TSNARE1: variants seen among roughly 807,000 people sequenced by gnomAD.
TSNARE1 encodes t-SNARE domain containing 1, also known as t-SNARE domain-containing protein 1.
Under a neutral mutation model 62.0 loss-of-function variants are expected in TSNARE1, and 49 were observed. The observed-to-expected ratio is 0.79, with a 90% CI of 0.63 to 1.00. The LOEUF (loss-of-function observed/expected upper bound fraction) is 1.00. Ranked by LOEUF, TSNARE1 falls within the 50% of genes least tolerant of loss-of-function variation. TSNARE1 has a pLI of 0.00. For missense variants in TSNARE1, 755 were observed against 700.1 expected, an observed-to-expected ratio of 1.08 and a Z score of -0.88; for synonymous variants, 328 against 294.4, an observed-to-expected ratio of 1.11 and a Z score of -1.17.
rs141639066 is a variant in TSNARE1 at position 142,217,361 on chromosome 8, A to AG, written c.*12-5049_*12-5048insC. On this transcript the variant is annotated intron_variant, in intron 13 of 13. Coordinates refer to ENST00000524325, the MANE Select transcript of TSNARE1 (RefSeq NM_145003.5). ...AAAGAAAGAAAGAAAGAAAGAAAGA[A>AG]AGAAAGAAAGAAAAAAGGGAAAGAA... 7.4e-4 allele frequency among the ~76,000 whole-genome samples: 100 copies of AG among 135,398 alleles called. 2 individuals are homozygous for AG. Among genetic ancestry groups the AG allele is most frequent in the African/African-American group, 2.2e-3 (82 of 36,494 alleles). The allele number at this position is 135,398 out of a possible 152,430, so 88.8% of individuals were successfully genotyped here. A position where few individuals can be genotyped will look rare whatever the true frequency, so the allele number is the denominator to read the frequency against.
chr8:142,298,222 G>A lies in TSNARE1; in HGVS notation c.1290+2264C>T, dbSNP rs555957265. On this transcript the variant is annotated intron_variant, in intron 10 of 13. Coordinates refer to ENST00000524325, the MANE Select transcript of TSNARE1 (RefSeq NM_145003.5). Reference sequence around the variant, plus strand: ...AGGCCTCTCCATCTCTGAGCTGGACGACTGCAGTGGCCTCCACGTGGGGCG... The same window carrying A: ...AGGCCTCTCCATCTCTGAGCTGGACAACTGCAGTGGCCTCCACGTGGGGCG... 5.9e-5 allele frequency among the ~76,000 whole-genome samples: 9 copies of A among 152,364 alleles called. No individual in the cohort carries two copies. In the East Asian group the frequency reaches 1.5e-3, roughly 26 times the overall value.
At chr8:142,307,269 C>T (rs188324016) in intron 9 of TSNARE1, among the ~76,000 whole-genome samples, 133 of 152,278 alleles carry the variant, frequency 8.7e-4, no homozygotes, top group African/African-American at 3.0e-3. Flanking sequence ...GCTGTGGAGT[C>T]CCCCGTGGCA....
At chr8:142,275,550 AG>A (rs1820327635) in intron 11 of TSNARE1, 1 of 985,308 alleles carries the variant, frequency 1.0e-6, no homozygotes, top group Non-Finnish European at 1.2e-6. Context: ...TTCCACCCAA[AG>A]GAAGGACACA....
chr8:142,271,571 G>A, intron 12 of TSNARE1: 1 of 1,410,874 alleles, frequency 7.1e-7, no homozygotes, highest in Non-Finnish European at 9.2e-7. Flanking sequence ...TGGGGAGGGT[G>A]AGGAGGTGGG....
rs569557306 is a variant in TSNARE1 at position 142,397,768 on chromosome 8, C to G, written c.-40+5336G>C. ...CAGGACAATGAGCAGCAGCTGCTGC[C>G]AGTCCACTCAGCTGCGTGGCTAGCC... On this transcript the variant is annotated intron_variant, in intron 1 of 13. Transcript: ENST00000524325. Among the ~76,000 whole-genome samples the G allele has an allele frequency of 2.0e-5, 3 of 152,238 alleles. No homozygotes were observed. In the South Asian group the frequency reaches 6.2e-4, roughly 31 times the overall value.
At chr8:142,355,745 C>G (rs1834677158) in intron 1 of TSNARE1, among the ~76,000 whole-genome samples, 3 of 152,246 alleles carry the variant, frequency 2.0e-5, no homozygotes, top group Non-Finnish European at 4.4e-5. Context: ...CCCACACAAA[C>G]ACCTGAAGTG....
chr8:142,339,940 G>A (rs753989981), intron 4 of TSNARE1, among the ~76,000 whole-genome samples: 2 of 152,250 alleles, frequency 1.3e-5, no homozygotes, highest in Non-Finnish European at 2.9e-5. Flanking sequence ...AGGCAACTCC[G>A]CAGAGGACTG....
At chr8:142,228,266 A>G (rs4976974) in intron 13 of TSNARE1, among the ~76,000 whole-genome samples, 12,899 of 152,296 alleles carry the variant, frequency 0.085, 687 homozygotes, top group South Asian at 0.15. Flanking sequence ...CTAAGCTTTA[A>G]GCTAACTTGG....
intron 9 of TSNARE1, 23 bp downstream of exon 9, chr8:142,314,361 C>T (rs1400557831): frequency 1.9e-6 from 3 of 1,610,922 alleles, no homozygotes; most frequent in Admixed American, 1.7e-5. Flanking sequence ...AGCCACTGAC[C>T]ATGGTCAGTA....
intron 10 of TSNARE1, among the ~76,000 whole-genome samples, chr8:142,289,282 C>T (rs1439598620): frequency 6.6e-6 from 1 of 152,206 alleles, no homozygotes; most frequent in Non-Finnish European, 1.5e-5. Flanking sequence ...TGGAAAATGG[C>T]TCACCACAGA....
At chr8:142,240,688 A>G (rs1817637130) in intron 12 of TSNARE1, among the ~76,000 whole-genome samples, 2 of 152,240 alleles carry the variant, frequency 1.3e-5, no homozygotes, top group Admixed American at 6.5e-5. Context: ...GTAATTAAAA[A>G]AACAGTAAAT....
intron 12 of TSNARE1, among the ~76,000 whole-genome samples, chr8:142,261,659 G>A (rs892030695): frequency 8.5e-5 from 13 of 152,174 alleles, no homozygotes; most frequent in African/African-American, 1.9e-4. Flanking sequence ...TCCTGGCCAC[G>A]GCCCCGGGGT....
chr8:142,318,758 G>A, intron 6 of TSNARE1, 124 bp from the exon 7 acceptor site: 1 of 809,690 alleles, frequency 1.2e-6, no homozygotes, highest in Non-Finnish European at 2.0e-6. Context: ...CAGATGGATG[G>A]ACAGGCGGAG....
chr8:142,404,952 T>C (rs1838553310), upstream of TSNARE1: 2 of 152,394 alleles, frequency 1.3e-5, no homozygotes, highest in Non-Finnish European at 2.9e-5. Context: ...AGCCGCTTTC[T>C]TGACCATACA....
In TSNARE1 at chr8:142,277,392, A is replaced by AC. The variant is rs975656350; in HGVS notation, c.1364-2530dup. ...CAGGGCACAGGGACCCCTGTGGGAG[A>AC]CCCCCCTGCACTGGGTCAACTCGCT... On this transcript the variant is annotated intron_variant, in intron 11 of 13. Coordinates refer to ENST00000524325, the MANE Select transcript of TSNARE1 (RefSeq NM_145003.5). 12 of 984,600 alleles carry AC rather than the reference A, an allele frequency of 1.2e-5. No individual in the cohort carries two copies. The Admixed American group carries it at 3.7e-4, about 30-fold the overall frequency. The allele number at this position is 984,600 out of a possible 1,614,324, so 61.0% of individuals were successfully genotyped here. A position where few individuals can be genotyped will look rare whatever the true frequency, so the allele number is the denominator to read the frequency against.
At chr8:142,389,035 T>A (rs1837302379) in intron 1 of TSNARE1, among the ~76,000 whole-genome samples, 1 of 152,074 alleles carries the variant, frequency 6.6e-6, no homozygotes, top group African/African-American at 2.4e-5. Flanking sequence ...AACAGCATGG[T>A]GATGACATAA....
intron 12 of TSNARE1, among the ~76,000 whole-genome samples, chr8:142,267,699 G>A (rs1819208263): frequency 6.6e-6 from 1 of 152,150 alleles, no homozygotes; most frequent in South Asian, 2.1e-4. Flanking sequence ...ACCTTGGAAG[G>A]CCCTGCAGGC....
chr8:142,367,509 G>A (rs1835639534), intron 1 of TSNARE1, among the ~76,000 whole-genome samples: 1 of 150,402 alleles, frequency 6.6e-6, no homozygotes, highest in South Asian at 2.2e-4. Context: ...GCAGACAGAT[G>A]GACGCCGGGG....
intron 12 of TSNARE1, among the ~76,000 whole-genome samples, chr8:142,235,439 C>A (rs1057483414): frequency 1.3e-5 from 2 of 148,352 alleles, no homozygotes; most frequent in African/African-American, 4.9e-5. Context: ...CCCCCCTGCA[C>A]CCTGGCCCCC....
Sources: gnomAD v4.1 joint callset for allele counts (sites outside exome capture counted in the v4.1 genomes callset) on GRCh38, gnomAD v4.1.1 for gene constraint, MANE v1.5 for transcripts, NCBI Gene and HGNC (gene_info 2026-07-23, HGNC 2026-07-21) for gene names.